MLIP: variants seen among roughly 807,000 people sequenced by gnomAD.
MLIP encodes muscular LMNA-interacting protein.
Under a neutral mutation model 84.8 loss-of-function variants are expected in MLIP, and 79 were observed. That is an observed-to-expected ratio of 0.93 (90% CI 0.78 to 1.12). The LOEUF is 1.12. Ranked by LOEUF, MLIP falls within the 50% of genes most tolerant of loss-of-function variation. The probability of loss-of-function intolerance (pLI) is 0.00; values close to 1 mark genes in which losing one functional copy is unlikely to be tolerated. For synonymous variants in MLIP, 504 were observed against 463.0 expected (o/e 1.09, Z -1.14); for missense variants, 1,257 against 1,160.6 (o/e 1.08, Z -1.21).
At chr6:54,040,487 C>T (rs970285998) in intron 1 of MLIP, among the ~76,000 whole-genome samples, 6 of 151,964 alleles carry the variant, frequency 3.9e-5, no homozygotes, top group Non-Finnish European at 8.8e-5. Context: ...TTAGTTCAAC[C>T]ACTGTGGAAA....
chr6:54,158,986 C>T (rs1774338665), intron 5 of MLIP, among the ~76,000 whole-genome samples: 1 of 152,084 alleles, frequency 6.6e-6, no homozygotes, highest in Non-Finnish European at 1.5e-5. Flanking sequence ...GATCAGGGCT[C>T]ACTGCAGTCT....
At chr6:54,127,350 A>G (rs1771006274) in intron 3 of MLIP, among the ~76,000 whole-genome samples, 1 of 152,148 alleles carries the variant, frequency 6.6e-6, no homozygotes, top group Admixed American at 6.5e-5. Flanking sequence ...CTGTATCCCT[A>G]GCACTTAATG....
At chr6:54,222,742 G>A (rs1780300302) in intron 11 of MLIP, among the ~76,000 whole-genome samples, 1 of 151,986 alleles carries the variant, frequency 6.6e-6, no homozygotes, top group Non-Finnish European at 1.5e-5. Flanking sequence ...ACCCAGAAGT[G>A]GGATCGATGC....
intron 10 of MLIP, among the ~76,000 whole-genome samples, chr6:54,200,367 T>C (rs1778585572): frequency 1.8e-5 from 2 of 109,498 alleles, no homozygotes; most frequent in Admixed American, 2.2e-4. Flanking sequence ...TAAAGTACCA[T>C]GTTGGTTTTA....
At chr6:54,233,549 G>A (rs1024276241) in intron 12 of MLIP, among the ~76,000 whole-genome samples, 1 of 152,188 alleles carries the variant, frequency 6.6e-6, no homozygotes, top group African/African-American at 2.4e-5. Flanking sequence ...TGGTGTATAT[G>A]TGCCACATTT....
upstream of MLIP, among the ~76,000 whole-genome samples, chr6:54,108,801 G>A (rs1769204904): frequency 6.6e-6 from 1 of 152,094 alleles, no homozygotes; most frequent in Non-Finnish European, 1.5e-5. Flanking sequence ...CATAAATATT[G>A]CTTTCTGTTT....
At chr6:54,229,975 A>G (rs1780866903) in intron 11 of MLIP, among the ~76,000 whole-genome samples, 1 of 152,062 alleles carries the variant, frequency 6.6e-6, no homozygotes. Context: ...TGCTCCATTC[A>G]CATAATTCAT....
rs1263370619 is a variant in MLIP at position 54,136,901 on chromosome 6, T to G, written c.832T>G (p.Phe278Val). ...CGTGGTGGAAGAATCAGCTACGTAT[T>G]TTCAAACTACCGCTCACTCTACACC... ...GAVVEESATY[F>V]QTTAHSTPFS... Residue 278 changes from phenylalanine to valine, a missense_variant, in exon 4 of 14, where the codon TTT (phenylalanine) becomes GTT (valine). Physicochemically the swap from Phe to Val is conservative, Grantham distance 50. Transcript: ENST00000502396. The G allele has an allele frequency of 6.5e-7, 1 of 1,535,360 alleles. No homozygotes were observed. Among genetic ancestry groups the G allele is most frequent in the Admixed American group, 2.0e-5 (1 of 50,948 alleles).
intron 12 of MLIP, among the ~76,000 whole-genome samples, chr6:54,251,687 A>C (rs1273384655): frequency 7.1e-5 from 7 of 99,246 alleles, no homozygotes; most frequent in Non-Finnish European, 1.2e-4. Flanking sequence ...ATATAATATA[A>C]ATATATATTA....
intron 1 of MLIP, among the ~76,000 whole-genome samples, chr6:54,090,659 GTA>G (rs1017747790): frequency 2.4e-4 from 22 of 91,930 alleles, no homozygotes; most frequent in African/African-American, 5.1e-4. Context: ...GTGTGTGTGT[GTA>G]TGTGTGTGTG....
chr6:54,228,247 A>G (rs2754789), intron 11 of MLIP, among the ~76,000 whole-genome samples: 142,925 of 146,280 alleles, frequency 0.98, 69,926 homozygotes, highest in Non-Finnish European at 1. Flanking sequence ...GATCGAACAT[A>G]GGAGAGAGAG....
At chr6:54,170,906 CAAGAA>C (rs1036960513) in intron 9 of MLIP, among the ~76,000 whole-genome samples, 11 of 151,486 alleles carry the variant, frequency 7.3e-5, no homozygotes, top group African/African-American at 2.7e-4. Context: ...TTAGTGGGTA[CAAGAA>C]AAGAAAGTTT....
intron 1 of MLIP, among the ~76,000 whole-genome samples, chr6:54,092,641 T>G (rs963664158): frequency 6.6e-6 from 1 of 151,902 alleles, no homozygotes; most frequent in Non-Finnish European, 1.5e-5. Context: ...ACTATATTAT[T>G]ATAATGATAT....
intron 5 of MLIP, among the ~76,000 whole-genome samples, chr6:54,153,076 C>T (rs770804993): frequency 7.2e-5 from 11 of 152,020 alleles, no homozygotes; most frequent in African/African-American, 1.7e-4. Flanking sequence ...GCCATTTTCA[C>T]GATACATTTG....
At chr6:54,062,897 C>T (rs555722522) in intron 1 of MLIP, among the ~76,000 whole-genome samples, 1 of 152,142 alleles carries the variant, frequency 6.6e-6, no homozygotes, top group East Asian at 1.9e-4. Context: ...ATGTGCAGGG[C>T]TAGAATTAAT....
chr6:54,027,945 G>T (rs188379849), intron 1 of MLIP, among the ~76,000 whole-genome samples: 1 of 152,138 alleles, frequency 6.6e-6, no homozygotes, highest in African/African-American at 2.4e-5. Flanking sequence ...CATACTGTAC[G>T]TGTGGCGAAA....
intron 1 of MLIP, among the ~76,000 whole-genome samples, chr6:54,095,587 G>A (rs1768154311): frequency 6.6e-6 from 1 of 151,954 alleles, no homozygotes; most frequent in Admixed American, 6.6e-5. Context: ...TAGAGTGATT[G>A]GGGTAAAAAA....
chr6:54,102,790 AT>A (rs1054703798), intron 1 of MLIP, among the ~76,000 whole-genome samples: 1 of 152,104 alleles, frequency 6.6e-6, no homozygotes, highest in Non-Finnish European at 1.5e-5. Context: ...AAACAAATAC[AT>A]TTCCCATCAC....
Position 54,266,074 on chromosome 6 carries a change from C to G in MLIP, c.*119C>G. 1 of 972,170 alleles carries G rather than the reference C, an allele frequency of 1.0e-6. No individual in the cohort carries two copies. Among genetic ancestry groups the G allele is most frequent in the Non-Finnish European group, 1.6e-6 (1 of 637,016 alleles). 60.2% of individuals were successfully genotyped at this position (972,170 alleles called of 1,614,324 possible). The stretch of plus-strand genomic sequence containing the variant: ...GAATGAGTGCTCCCTTTATGAGCTG[C>G]AGTGCAGCAGAACCAAAAAAAAAGT... On this transcript the variant is annotated 3_prime_UTR_variant, in exon 14 of 14. Transcript: ENST00000502396.
Sources: allele counts gnomAD v4.1 joint callset (sites outside exome capture counted in the v4.1 genomes callset), GRCh38; gene constraint gnomAD v4.1.1; transcripts MANE v1.5; gene names NCBI Gene and HGNC (gene_info 2026-07-23, HGNC 2026-07-21).